Variants in SNX24 observed in about 807,000 individuals in gnomAD.
SNX24 encodes the protein sorting nexin-24.
SNX24 carries 22 observed loss-of-function variants against 28.7 expected under a neutral mutation model. The observed-to-expected ratio is 0.77, with a 90% CI of 0.55 to 1.10. SNX24 has a LOEUF of 1.10. SNX24 is among the 50% of genes least tolerant of loss of function. The pLI, the probability that SNX24 is intolerant of heterozygous loss-of-function variation, is 0.00. For missense variants in SNX24, 221 were observed against 201.1 expected (o/e 1.10, Z -0.60); for synonymous variants, 69 against 71.5 (o/e 0.96, Z 0.18).
In SNX24 at chr5:123,014,333, A is replaced by ATTTTTTTTTTTTTTT. The variant is rs70988553; in HGVS notation, n.383+12344_383+12358dup. ...AGGCACACGCCACTGTGCCCAGCTGATTTTTTTTTTTTTTTTTTTTTTTTT... is the reference window on the plus strand; with the variant it reads ...AGGCACACGCCACTGTGCCCAGCTGATTTTTTTTTTTTTTTTTTTTTTTTTTTTTTTTTTTTTTTT... On this transcript the variant is annotated intron_variant and non_coding_transcript_variant, in intron 5 of 5. Transcript: ENST00000502387. Among the ~76,000 whole-genome samples, 14 of 77,270 alleles carry ATTTTTTTTTTTTTTT rather than the reference A, an allele frequency of 1.8e-4. 5 individuals carry two copies. The highest frequency in any genetic ancestry group is 1.6e-4 in the Non-Finnish European group (7 of 42,442). The allele number at this position is 77,270 out of a possible 152,430, so 50.7% of individuals were successfully genotyped here.
intron 3 of SNX24, among the ~76,000 whole-genome samples, chr5:122,968,042 A>G (rs1031216191): frequency 6.6e-6 from 1 of 152,218 alleles, no homozygotes; most frequent in Non-Finnish European, 1.5e-5. Context: ...GTCTATTATT[A>G]TGGGATGTTG....
intron 1 of SNX24, among the ~76,000 whole-genome samples, chr5:122,851,816 TA>T (rs949930182): frequency 1.0e-4 from 15 of 149,858 alleles, no homozygotes; most frequent in South Asian, 4.2e-4. Context: ...TCCCTGTCTT[TA>T]AAAAAAAAAT....
chr5:122,847,502 C>CTCTTTTTTTTTT (rs1554065805), intron 1 of SNX24, among the ~76,000 whole-genome samples: 3 of 130,798 alleles, frequency 2.3e-5, no homozygotes, highest in Non-Finnish European at 4.7e-5. Context: ...CTCTCTCTCT[C>CTCTTTTTTTTTT]TTTTTTTTTT....
intron 1 of SNX24, among the ~76,000 whole-genome samples, chr5:122,852,754 A>C (rs944719334): frequency 6.6e-6 from 1 of 152,186 alleles, no homozygotes; most frequent in Admixed American, 6.5e-5. Context: ...TTGCAGAGGA[A>C]TTCCAGTGCC....
At chr5:123,007,578 C>T (rs1211378162) in intron 6 of SNX24, 104 bp from the exon 7 acceptor site, 3 of 1,020,378 alleles carry the variant, frequency 2.9e-6, no homozygotes, top group African/African-American at 1.7e-5. Context: ...CTGTGTTTAC[C>T]GTAAGCATTG....
downstream of SNX24, among the ~76,000 whole-genome samples, chr5:123,010,281 A>C (rs561212939): frequency 1.3e-4 from 20 of 150,790 alleles, no homozygotes; most frequent in African/African-American, 4.8e-4. Context: ...CACATGGGAA[A>C]GATGATGGAA....
At chr5:123,025,120 G>C (rs1206935636) in intron 5 of SNX24, among the ~76,000 whole-genome samples, 1 of 152,056 alleles carries the variant, frequency 6.6e-6, no homozygotes. Flanking sequence ...GTTTTGTTTT[G>C]CTTTGTTTTC....
At position 122,923,367 on chromosome 5, in the gene SNX24, A is replaced by G. The variant is rs933118451; in HGVS notation, c.61-13367A>G. 1.6e-4 allele frequency among the ~76,000 whole-genome samples: 25 copies of G among 152,194 alleles called. No individual in the cohort carries two copies. In the East Asian group the frequency reaches 1.7e-3, roughly 11 times the overall value. On this transcript the variant is annotated intron_variant, in intron 1 of 6. Transcript: ENST00000261369. ...AAAAAAAAATTAAAATTAAAAAAAA[A>G]AAGAAGAATTAAAATTCTGAGTTTT...
At chr5:122,961,317 A>G (rs1187263895) in intron 3 of SNX24, among the ~76,000 whole-genome samples, 1 of 152,210 alleles carries the variant, frequency 6.6e-6, no homozygotes, top group African/African-American at 2.4e-5. Context: ...GATTTCCTTT[A>G]AACTGCATCT....
intron 1 of SNX24, among the ~76,000 whole-genome samples, chr5:122,878,179 G>A (rs1360987491): frequency 2.0e-5 from 3 of 152,130 alleles, no homozygotes; most frequent in Non-Finnish European, 4.4e-5. Context: ...TGGGAAGGTT[G>A]GTGCCACTTC....
chr5:122,926,298 G>A (rs1758691951), intron 1 of SNX24, among the ~76,000 whole-genome samples: 1 of 152,172 alleles, frequency 6.6e-6, no homozygotes, highest in Non-Finnish European at 1.5e-5. Context: ...ACCAGGGTGA[G>A]TGAGAGGGAG....
intron 1 of SNX24, among the ~76,000 whole-genome samples, chr5:122,907,759 A>G (rs943539778): frequency 6.6e-6 from 1 of 152,196 alleles, no homozygotes. Flanking sequence ...ATTGAATTGT[A>G]TCTCAAGTTA....
At chr5:123,019,493 T>C (rs1762733281) in intron 5 of SNX24, among the ~76,000 whole-genome samples, 1 of 152,220 alleles carries the variant, frequency 6.6e-6, no homozygotes, top group South Asian at 2.1e-4. Context: ...CTGTTCAAAA[T>C]TCATCAGAAA....
intron 1 of SNX24, among the ~76,000 whole-genome samples, chr5:122,878,880 G>A (rs1050316835): frequency 4.0e-5 from 6 of 151,224 alleles, no homozygotes; most frequent in African/African-American, 1.5e-4. Context: ...AGAGGCTGAG[G>A]AAGGAAGATC....
At chr5:122,869,893 A>G (rs1363545778) in intron 1 of SNX24, among the ~76,000 whole-genome samples, 1 of 78,988 alleles carries the variant, frequency 1.3e-5, no homozygotes, top group Non-Finnish European at 2.1e-5. Flanking sequence ...TCTTAGTGCT[A>G]TGAGTTTTTT....
chr5:123,013,137 G>A (rs1047906795), downstream of SNX24, among the ~76,000 whole-genome samples: 2 of 152,194 alleles, frequency 1.3e-5, no homozygotes, highest in African/African-American at 4.8e-5. Context: ...TTGGGTAGTG[G>A]TCTCAATAGA....
intron 1 of SNX24, among the ~76,000 whole-genome samples, chr5:122,928,380 G>A (rs191004179): frequency 1.3e-5 from 2 of 152,122 alleles, no homozygotes; most frequent in African/African-American, 4.8e-5. Flanking sequence ...GAAGGGACTT[G>A]GTAAAAGAGT....
chr5:122,997,181 GTTC>G (rs1340500206), intron 3 of SNX24, among the ~76,000 whole-genome samples: 2 of 152,238 alleles, frequency 1.3e-5, no homozygotes, highest in Middle Eastern at 6.8e-3. Flanking sequence ...TGAAGTATTA[GTTC>G]TTTTCTCCCA....
At chr5:123,020,265 AAAAAG>A (rs1394343000) in intron 5 of SNX24, among the ~76,000 whole-genome samples, 1 of 152,228 alleles carries the variant, frequency 6.6e-6, no homozygotes, top group African/African-American at 2.4e-5. Context: ...TCTGATTATT[AAAAAG>A]AAATGTACCC....
Sources: allele counts gnomAD v4.1 joint callset (sites outside exome capture counted in the v4.1 genomes callset), GRCh38; gene constraint gnomAD v4.1.1; transcripts MANE v1.5; gene names NCBI Gene and HGNC (gene_info 2026-07-23, HGNC 2026-07-21).